Variants in ZEB1 observed in about 807,000 individuals in gnomAD.
ZEB1 encodes zinc finger E-box binding homeobox 1, also known as zinc finger E-box-binding homeobox 1.
In ZEB1, 21 loss-of-function variants were observed where a neutral mutation model predicts 84.9. That is an observed-to-expected ratio of 0.25 (90% confidence interval 0.18 to 0.36). The LOEUF is 0.36. Ranked by LOEUF, ZEB1 falls within the 10% of genes least tolerant of loss-of-function variation. The pLI is 1.00. For missense variants in ZEB1, 1,104 were observed against 1,330.2 expected (o/e 0.83, Z 2.65); for synonymous variants, 420 against 471.1 (o/e 0.89, Z 1.41).
intron 1 of ZEB1, among the ~76,000 whole-genome samples, chr10:31,408,469 G>A: frequency 6.6e-6 from 1 of 151,098 alleles, no homozygotes; most frequent in Non-Finnish European, 1.5e-5. Context: ...AAAGCTGGAG[G>A]CATCACACTA....
intron 1 of ZEB1, among the ~76,000 whole-genome samples, chr10:31,433,647 T>C (rs977399031): frequency 6.6e-6 from 1 of 152,200 alleles, no homozygotes; most frequent in African/African-American, 2.4e-5. Flanking sequence ...CCCATTTTGT[T>C]GTACAGAACA....
intron 2 of ZEB1, among the ~76,000 whole-genome samples, chr10:31,468,172 C>T (rs2137745498): frequency 6.6e-6 from 1 of 152,320 alleles, no homozygotes; most frequent in Middle Eastern, 3.4e-3. Flanking sequence ...AGCCTGATCA[C>T]GGGCTCACCA....
At chr10:31,427,231 T>TG (rs1267380766) in intron 1 of ZEB1, among the ~76,000 whole-genome samples, 1 of 152,194 alleles carries the variant, frequency 6.6e-6, no homozygotes, top group Non-Finnish European at 1.5e-5. Context: ...GTCAGTATCC[T>TG]GGATATAAAT....
At chr10:31,503,735 G>T (rs987793676) in intron 4 of ZEB1, among the ~76,000 whole-genome samples, 39 of 151,330 alleles carry the variant, frequency 2.6e-4, no homozygotes, top group Admixed American at 2.6e-3. Flanking sequence ...GCATTCATTA[G>T]TTTTTGTCTT....
chr10:31,485,187 G>T (rs891593370), intron 2 of ZEB1, among the ~76,000 whole-genome samples: 1 of 151,902 alleles, frequency 6.6e-6, no homozygotes, highest in Non-Finnish European at 1.5e-5. Flanking sequence ...AATTCTACAT[G>T]TAATAAAGAT....
At chr10:31,488,374 C>G (rs1407545650) in intron 2 of ZEB1, among the ~76,000 whole-genome samples, 3 of 151,014 alleles carry the variant, frequency 2.0e-5, no homozygotes, top group African/African-American at 7.3e-5. Flanking sequence ...TCCTTTATAT[C>G]CTTCTAATAT....
At chr10:31,341,479 C>T (rs1376825670) in intron 1 of ZEB1, among the ~76,000 whole-genome samples, 4 of 151,998 alleles carry the variant, frequency 2.6e-5, no homozygotes, top group African/African-American at 4.8e-5. Context: ...AGGAGACAAA[C>T]GGAAGTCAGT....
At chr10:31,374,475 T>C (rs1184165115) in intron 1 of ZEB1, among the ~76,000 whole-genome samples, 1 of 151,830 alleles carries the variant, frequency 6.6e-6, no homozygotes, top group Non-Finnish European at 1.5e-5. Context: ...TTTAGGTAGG[T>C]GCTGAGAATA....
intron 1 of ZEB1, among the ~76,000 whole-genome samples, chr10:31,347,340 T>G (rs1175847906): frequency 6.6e-6 from 1 of 152,152 alleles, no homozygotes; most frequent in Non-Finnish European, 1.5e-5. Flanking sequence ...GGATTTATTT[T>G]ATTGAAAACA....
intron 1 of ZEB1, among the ~76,000 whole-genome samples, chr10:31,394,264 GAC>G (rs1251044554): frequency 1.3e-5 from 2 of 152,150 alleles, no homozygotes; most frequent in East Asian, 3.8e-4. Context: ...CAAGATAAAA[GAC>G]ACGGAGAGAG....
intron 2 of ZEB1, among the ~76,000 whole-genome samples, chr10:31,469,545 C>A (rs1412408769): frequency 3.9e-5 from 6 of 152,190 alleles, no homozygotes; most frequent in Admixed American, 1.3e-4. Flanking sequence ...TATCCCGCAC[C>A]TGGCTCAGAG....
intron 1 of ZEB1, chr10:31,363,078 T>A: frequency 1.2e-5 from 18 of 1,533,784 alleles, no homozygotes; most frequent in Non-Finnish European, 1.6e-5. Flanking sequence ...ACAGTTTTCT[T>A]TTGTGGGACC....
intron 1 of ZEB1, among the ~76,000 whole-genome samples, chr10:31,426,947 G>C (rs2057006154): frequency 7.0e-6 from 1 of 142,250 alleles, no homozygotes; most frequent in African/African-American, 3.1e-5. Flanking sequence ...CATGAATATA[G>C]AAGACAGCTT....
At chr10:31,521,968 A>G in intron 7 of ZEB1, 32 bp downstream of exon 7, 1 of 1,613,792 alleles carries the variant, frequency 6.2e-7, no homozygotes, top group South Asian at 1.1e-5. Context: ...GAACCTGGCT[A>G]GTAATATGCT....
At chr10:31,408,323 G>A (rs925546419) in intron 1 of ZEB1, among the ~76,000 whole-genome samples, 1 of 150,856 alleles carries the variant, frequency 6.6e-6, no homozygotes, top group African/African-American at 2.4e-5. Flanking sequence ...TACTGCCCAA[G>A]GTAATTTACA....
chr10:31,423,808 A>G (rs188597298), intron 1 of ZEB1, among the ~76,000 whole-genome samples: 1 of 152,212 alleles, frequency 6.6e-6, no homozygotes, highest in Non-Finnish European at 1.5e-5. Context: ...GCTACTTGTT[A>G]TCAGTTGTTC....
intron 1 of ZEB1, among the ~76,000 whole-genome samples, chr10:31,334,178 T>C (rs914075394): frequency 6.6e-6 from 1 of 152,108 alleles, no homozygotes; most frequent in African/African-American, 2.4e-5. Flanking sequence ...CTTACAAGCC[T>C]GCTGTAATGG....
At chr10:31,364,991 A>G (rs1002774478) in intron 1 of ZEB1, among the ~76,000 whole-genome samples, 3 of 152,216 alleles carry the variant, frequency 2.0e-5, no homozygotes, top group Non-Finnish European at 4.4e-5. Context: ...TTGTCAGCAC[A>G]GCACCATCCC....
rs142467892 is a variant in ZEB1, at chr10:31,465,507, G to A, written c.259+4270G>A. 3.9e-4 allele frequency among the ~76,000 whole-genome samples: 59 copies of A among 151,554 alleles called. No individual in the cohort carries two copies. In the East Asian group the frequency reaches 0.011, roughly 28 times the overall value. ...TCAATGGAAGCAGCAAAGAAACAAAGGCACTTAAAACTTTTCAGAAAACAA... is the reference window on the plus strand; with the variant it reads ...TCAATGGAAGCAGCAAAGAAACAAAAGCACTTAAAACTTTTCAGAAAACAA... On this transcript the variant is annotated intron_variant, in intron 2 of 8. Transcript: ENST00000424869.
Sources: allele counts gnomAD v4.1 joint callset (sites outside exome capture counted in the v4.1 genomes callset), GRCh38; gene constraint gnomAD v4.1.1; transcripts MANE v1.5; gene names NCBI Gene and HGNC (gene_info 2026-07-23, HGNC 2026-07-21).